Variants in ASB3 observed in about 807,000 individuals in gnomAD.
The protein encoded by ASB3 is ankyrin repeat and SOCS box protein 3.
ASB3 carries 41 observed loss-of-function variants against 54.5 expected under a neutral mutation model. That is an observed-to-expected ratio of 0.75 (90% CI 0.59 to 0.98). The LOEUF (loss-of-function observed/expected upper bound fraction) is 0.98, where lower values mean the gene tolerates loss of function less well. Among genes scored for constraint, ASB3 ranks in the 50% least tolerant of loss-of-function variants. ASB3 has a pLI of 0.00. For synonymous variants in ASB3, 266 were observed against 221.2 expected (o/e 1.20, Z -1.80); for missense variants, 733 against 620.0 (o/e 1.18, Z -1.94).
chr2:53,758,884 G>A (rs1016382991), intron 2 of ASB3, among the ~76,000 whole-genome samples: 1 of 152,100 alleles, frequency 6.6e-6, no homozygotes, highest in Non-Finnish European at 1.5e-5. Context: ...TGGAGAATTC[G>A]GCCCAGAGTG....
At chr2:53,713,164 C>T (rs1670201005) in intron 7 of ASB3, among the ~76,000 whole-genome samples, 1 of 152,134 alleles carries the variant, frequency 6.6e-6, no homozygotes, top group African/African-American at 2.4e-5. Flanking sequence ...AACCCTATCT[C>T]TACTAAAACG....
At chr2:53,767,828 C>G in intron 1 of ASB3, 1 of 1,551,712 alleles carries the variant, frequency 6.4e-7, no homozygotes. Flanking sequence ...GGCTTCAGTC[C>G]CCGGCGGCGC....
intron 3 of ASB3, among the ~76,000 whole-genome samples, chr2:53,742,335 TCA>T (rs1183703504): frequency 2.0e-5 from 3 of 152,036 alleles, no homozygotes; most frequent in Non-Finnish European, 4.4e-5. Context: ...GAGCAAAAAC[TCA>T]CATATTCCCA....
At position 53,731,120 on chromosome 2, in the gene ASB3, C is replaced by T. The variant is rs1247985299; in HGVS notation, c.356-1550G>A. ...AGAAGTTCTTTAATAAAAAATTCTC[C>T]ACCGAGTGTGGTGGCTCCCGCCTGT... On this transcript the variant is annotated intron_variant, in intron 3 of 9. Coordinates refer to ENST00000263634, the MANE Select transcript of ASB3 (RefSeq NM_016115.5). Among the ~76,000 whole-genome samples the T allele has an allele frequency of 2.0e-5, 3 of 152,140 alleles. No individual in the cohort carries two copies. In the East Asian group the frequency reaches 5.8e-4, roughly 29 times the overall value.
intron 1 of ASB3, among the ~76,000 whole-genome samples, chr2:53,770,038 G>A (rs1321617482): frequency 6.6e-6 from 1 of 152,154 alleles, no homozygotes; most frequent in Non-Finnish European, 1.5e-5. Context: ...CAGTAGCTAT[G>A]CATAAATAAC....
chr2:53,783,252 C>T (rs1350542461), intron 1 of ASB3, among the ~76,000 whole-genome samples: 1 of 152,006 alleles, frequency 6.6e-6, no homozygotes, highest in African/African-American at 2.4e-5. Flanking sequence ...AACTAGATGA[C>T]TAGAAACTGT....
Position 53,716,687 on chromosome 2 carries a change from G to C in ASB3, c.661C>G (p.Gln221Glu), listed in dbSNP as rs771796186. The C allele has an allele frequency of 3.1e-6, 5 of 1,613,910 alleles. No homozygotes were observed. Among genetic ancestry groups the C allele is most frequent in the African/African-American group, 2.7e-5 (2 of 74,890 alleles). ...TCCACACATTTTGTGTGTCCCTCTT[G>C]AGCAGCAATGAACAAGGGTGTAGCT... ...DKATPLFIAA[Q>E]EGHTKCVELL... Residue 221 changes from glutamine to glutamate, a missense_variant, in exon 6 of 10, where the codon CAA (glutamine) becomes GAA (glutamate). Physicochemically the swap from Gln to Glu is conservative, Grantham distance 29. Coordinates refer to ENST00000263634, the MANE Select transcript of ASB3 (RefSeq NM_016115.5).
chr2:53,781,912 T>C (rs2104221619), intron 1 of ASB3, among the ~76,000 whole-genome samples: 1 of 152,336 alleles, frequency 6.6e-6, no homozygotes, highest in Admixed American at 6.5e-5. Context: ...ACAGTATGCC[T>C]TGCCCAATTT....
chr2:53,701,417 C>A (rs770927066), intron 7 of ASB3, among the ~76,000 whole-genome samples: 5 of 152,158 alleles, frequency 3.3e-5, no homozygotes, highest in Admixed American at 6.5e-5. Context: ...ATTGGCAGAA[C>A]TGGGATAATG....
intron 3 of ASB3, among the ~76,000 whole-genome samples, chr2:53,746,335 A>G (rs751611736): frequency 6.6e-6 from 1 of 152,142 alleles, no homozygotes; most frequent in African/African-American, 2.4e-5. Flanking sequence ...GCAGAGTGCT[A>G]AAGTTTGTCC....
intron 5 of ASB3, among the ~76,000 whole-genome samples, chr2:53,727,673 T>C (rs1478380480): frequency 6.6e-6 from 1 of 152,136 alleles, no homozygotes; most frequent in Non-Finnish European, 1.5e-5. Context: ...AAACTTTGTA[T>C]GATCTATTTT....
chr2:53,744,685 T>C (rs778310536), intron 3 of ASB3, among the ~76,000 whole-genome samples: 19 of 152,076 alleles, frequency 1.2e-4, no homozygotes, highest in Non-Finnish European at 1.2e-4. Context: ...TATAAAGAGA[T>C]ATGAATGTGA....
intron 1 of ASB3, among the ~76,000 whole-genome samples, chr2:53,766,447 T>C (rs1051925059): frequency 6.6e-6 from 1 of 152,232 alleles, no homozygotes; most frequent in Non-Finnish European, 1.5e-5. Flanking sequence ...GATGTGATAA[T>C]GGCATCACAG....
At position 53,728,752 on chromosome 2, in the gene ASB3, C is replaced by T. The variant is rs1671142010; in HGVS notation, c.564G>A (p.Gln188=). 1.2e-6 allele frequency: 2 copies of T among 1,611,444 alleles called. No homozygotes were observed. The highest frequency in any genetic ancestry group is 8.5e-7 in the Non-Finnish European group (1 of 1,178,682). Reference sequence around the variant, plus strand: ...TGCTCAAGCTTTCTAGCTTGCCATACTGAGCAGCCACAAATAAAGGTGTGA... The same window carrying T: ...TGCTCAAGCTTTCTAGCTTGCCATATTGAGCAGCCACAAATAAAGGTGTGA... ...FGITPLFVAA[Q]YGKLESLSIL... Residue 188 remains glutamine, a synonymous_variant, in exon 5 of 10, where the codon CAG becomes CAA. Coordinates refer to ENST00000263634, the MANE Select transcript of ASB3 (RefSeq NM_016115.5).
intron 3 of ASB3, among the ~76,000 whole-genome samples, chr2:53,736,473 C>T (rs1181500980): frequency 2.0e-5 from 3 of 151,722 alleles, no homozygotes; most frequent in African/African-American, 4.8e-5. Flanking sequence ...CCGAGGCAGG[C>T]GGATCGCGAG....
At chr2:53,749,194 G>A (rs901017868) in intron 3 of ASB3, among the ~76,000 whole-genome samples, 1 of 151,988 alleles carries the variant, frequency 6.6e-6, no homozygotes, top group Non-Finnish European at 1.5e-5. Context: ...ATAATCATAT[G>A]AATAGATGCT....
intron 3 of ASB3, among the ~76,000 whole-genome samples, chr2:53,732,899 T>A (rs1671398170): frequency 6.6e-6 from 1 of 152,210 alleles, no homozygotes; most frequent in Admixed American, 6.5e-5. Flanking sequence ...TCTATTAAAA[T>A]GGAAATATCA....
intron 1 of ASB3, among the ~76,000 whole-genome samples, chr2:53,768,786 T>C (rs1673683033): frequency 6.6e-6 from 1 of 152,232 alleles, no homozygotes; most frequent in South Asian, 2.1e-4. Flanking sequence ...AATATATGTA[T>C]AGAGAATTAG....
chr2:53,696,211 G>A (rs893098157), intron 8 of ASB3, among the ~76,000 whole-genome samples: 1 of 152,134 alleles, frequency 6.6e-6, no homozygotes, highest in African/African-American at 2.4e-5. Flanking sequence ...CTCCTCAGGA[G>A]TAAAAAACAT....
Sources: gnomAD v4.1 joint callset for allele counts (sites outside exome capture counted in the v4.1 genomes callset) on GRCh38, gnomAD v4.1.1 for gene constraint, MANE v1.5 for transcripts, NCBI Gene and HGNC (gene_info 2026-07-23, HGNC 2026-07-21) for gene names.